ANK2: variants seen among roughly 807,000 people sequenced by gnomAD.
The protein encoded by ANK2 is ankyrin-2.
In ANK2, 83 loss-of-function variants were observed where a neutral mutation model predicts 360.5. The observed-to-expected ratio is 0.23, with a 90% CI of 0.19 to 0.28. ANK2 has a LOEUF of 0.28. ANK2 is among the 10% of genes least tolerant of loss of function. The pLI, the probability that ANK2 is intolerant of heterozygous loss-of-function variation, is 1.00. For missense variants in ANK2, 4,201 were observed against 4,795.7 expected, an observed-to-expected ratio of 0.88 and a Z score of 3.66; for synonymous variants, 1,740 against 1,759.5, an observed-to-expected ratio of 0.99 and a Z score of 0.28.
chr4:113,264,286 A>AT (rs1051566275), intron 13 of ANK2, among the ~76,000 whole-genome samples: 3 of 152,172 alleles, frequency 2.0e-5, no homozygotes, highest in African/African-American at 7.2e-5. Flanking sequence ...AGTGGTATTA[A>AT]TTTTTTGCAA....
chr4:112,911,073 T>C (rs1242626349), intron 2 of ANK2, among the ~76,000 whole-genome samples: 1 of 148,520 alleles, frequency 6.7e-6, no homozygotes, highest in Non-Finnish European at 1.5e-5. Flanking sequence ...TTCTCCTGCC[T>C]CAGCCTCCCG....
chr4:113,059,528 T>C (rs1223352038), intron 1 of ANK2, among the ~76,000 whole-genome samples: 1 of 152,150 alleles, frequency 6.6e-6, no homozygotes, highest in Admixed American at 6.6e-5. Flanking sequence ...TTCTGTTCAA[T>C]GTGAAGAGGA....
At chr4:112,906,385 A>G (rs2150949044) in intron 2 of ANK2, among the ~76,000 whole-genome samples, 2 of 152,322 alleles carry the variant, frequency 1.3e-5, no homozygotes, top group Middle Eastern at 3.4e-3. Flanking sequence ...CAAAAAAGAT[A>G]GCTTTTTGAA....
At chr4:113,115,947 C>A (rs1023071332) in intron 1 of ANK2, among the ~76,000 whole-genome samples, 6 of 152,128 alleles carry the variant, frequency 3.9e-5, no homozygotes, top group African/African-American at 1.2e-4. Context: ...CGTCCATAGT[C>A]CTCTATATAC....
chr4:113,177,281 C>G (rs894180820), intron 2 of ANK2, among the ~76,000 whole-genome samples: 1 of 151,984 alleles, frequency 6.6e-6, no homozygotes, highest in Non-Finnish European at 1.5e-5. Flanking sequence ...GGGGTTTCAC[C>G]ATGTTAGCCA....
At chr4:113,054,623 T>C (rs2068685261) in intron 1 of ANK2, among the ~76,000 whole-genome samples, 2 of 152,194 alleles carry the variant, frequency 1.3e-5, no homozygotes, top group South Asian at 2.1e-4. Flanking sequence ...TATAATTTAT[T>C]CTGAATAATA....
At position 113,076,883 on chromosome 4, in the gene ANK2, G is replaced by A. The variant is rs139321211; in HGVS notation, c.84+27071G>A. 3.2e-3 allele frequency among the ~76,000 whole-genome samples: 491 copies of A among 151,452 alleles called. 3 individuals are homozygous for A. Among genetic ancestry groups the A allele is most frequent in the African/African-American group, 0.011 (440 of 41,342 alleles). ...GATTAGTGACCATGTTGCATTTTTT[G>A]TAAGAAAAAATTCACTAACTGTACA... On this transcript the variant is annotated intron_variant, in intron 1 of 45. Transcript: ENST00000357077.
chr4:112,777,153 A>G, the ANK2 span, among the ~76,000 whole-genome samples: 1 of 152,242 alleles, frequency 6.6e-6, no homozygotes, highest in Non-Finnish European at 1.5e-5. Context: ...AGGGTGAGCT[A>G]CAGCTGATGG....
At chr4:112,822,842 T>G (rs2057503067) in intron 1 of ANK2, among the ~76,000 whole-genome samples, 1 of 151,558 alleles carries the variant, frequency 6.6e-6, no homozygotes, top group South Asian at 2.1e-4. Context: ...TTTTCCCTGT[T>G]GAGATCAATG....
At chr4:113,372,520 A>G (rs1442793121) in intron 43 of ANK2, 1 of 1,512,510 alleles carries the variant, frequency 6.6e-7, no homozygotes, top group Non-Finnish European at 8.9e-7. Context: ...CAATGCTTCC[A>G]TGCTTCCACC....
the ANK2 span, among the ~76,000 whole-genome samples, chr4:112,775,546 A>ACACACACACACACACACACAC: frequency 0.023 from 199 of 8,750 alleles, no homozygotes; most frequent in African/African-American, 0.03. Context: ...CACACACACA[A>ACACACACACACACACACACAC]GAAAAAAAAT....
At chr4:112,725,357 CTTTTTTTTTTTT>C in the ANK2 span, among the ~76,000 whole-genome samples, 1 of 73,594 alleles carries the variant, frequency 1.4e-5, no homozygotes, top group Admixed American at 2.3e-4. Flanking sequence ...AAGACACAGT[CTTTTTTTTTTTT>C]TTTTTTTTTG....
At chr4:112,897,893 A>G (rs1044883668) in intron 1 of ANK2, among the ~76,000 whole-genome samples, 6 of 152,200 alleles carry the variant, frequency 3.9e-5, no homozygotes, top group African/African-American at 1.4e-4. Flanking sequence ...TGGGAGATCT[A>G]TTTTGTGGTA....
intron 2 of ANK2, among the ~76,000 whole-genome samples, chr4:112,992,941 T>A (rs1475388771): frequency 6.6e-6 from 1 of 152,200 alleles, no homozygotes; most frequent in Non-Finnish European, 1.5e-5. Flanking sequence ...TCTGAAAGTT[T>A]GAATTAGTTG....
intron 2 of ANK2, among the ~76,000 whole-genome samples, chr4:113,190,694 T>C (rs959458021): frequency 2.0e-5 from 3 of 152,136 alleles, no homozygotes; most frequent in African/African-American, 7.2e-5. Flanking sequence ...AAAGTGCAGT[T>C]TCTGAGCCAG....
At chr4:113,032,080 G>A (rs533887454) in intron 2 of ANK2, among the ~76,000 whole-genome samples, 2 of 152,092 alleles carry the variant, frequency 1.3e-5, no homozygotes, top group South Asian at 2.1e-4. Context: ...TGACAGGAAC[G>A]CTAATGCTAT....
At chr4:112,855,077 A>G (rs1474958529) in intron 1 of ANK2, among the ~76,000 whole-genome samples, 1 of 152,216 alleles carries the variant, frequency 6.6e-6, no homozygotes, top group Non-Finnish European at 1.5e-5. Flanking sequence ...GACCTTGGAA[A>G]GAGAAATTGC....
At chr4:113,146,161 T>C (rs1475084137) in intron 1 of ANK2, among the ~76,000 whole-genome samples, 1 of 152,162 alleles carries the variant, frequency 6.6e-6, no homozygotes, top group African/African-American at 2.4e-5. Flanking sequence ...AGTGGCATGC[T>C]TTTGCTTCCT....
Position 112,989,796 on chromosome 4 carries a change from A to G in ANK2, c.21+85282A>G, listed in dbSNP as rs114320417. 3.3e-3 allele frequency among the ~76,000 whole-genome samples: 508 copies of G among 152,300 alleles called. 2 individuals are homozygous for G. The highest frequency in any genetic ancestry group is 0.011 in the African/African-American group (471 of 41,572). On this transcript the variant is annotated intron_variant, in intron 2 of 30. Transcript: ENST00000503271. ...CTTAGTGTTGTTCTGTGGGATAAGA[A>G]ATGCTTCTAAACCAAGAAATTACAG...
Sources: allele counts gnomAD v4.1 joint callset (sites outside exome capture counted in the v4.1 genomes callset), GRCh38; gene constraint gnomAD v4.1.1; transcripts MANE v1.5; gene names NCBI Gene and HGNC (gene_info 2026-07-23, HGNC 2026-07-21).